EFNA5: variants seen among roughly 807,000 people sequenced by gnomAD.
The protein encoded by EFNA5 is ephrin A5, also known as ephrin-A5.
Under a neutral mutation model 22.9 loss-of-function variants are expected in EFNA5, and 5 were observed. The observed-to-expected ratio is 0.22, with a 90% confidence interval of 0.11 to 0.46. The LOEUF (loss-of-function observed/expected upper bound fraction) is 0.46. EFNA5 is among the 20% of genes least tolerant of loss of function. The probability of loss-of-function intolerance (pLI) is 0.99; values close to 1 mark genes in which losing one functional copy is unlikely to be tolerated. For missense variants in EFNA5, 237 were observed against 293.3 expected, an observed-to-expected ratio of 0.81 and a Z score of 1.40; for synonymous variants, 113 against 112.2, an observed-to-expected ratio of 1.01 and a Z score of -0.04.
chr5:107,517,246 T>C (rs922396799), intron 1 of EFNA5, among the ~76,000 whole-genome samples: 4 of 152,130 alleles, frequency 2.6e-5, no homozygotes, highest in African/African-American at 9.7e-5. Flanking sequence ...AAGACAATGA[T>C]GCTATCTCAC....
chr5:107,479,724 A>C (rs1199916408), intron 1 of EFNA5, among the ~76,000 whole-genome samples: 2 of 152,174 alleles, frequency 1.3e-5, no homozygotes, highest in Non-Finnish European at 2.9e-5. Context: ...GGGTTGAATG[A>C]GTGTGTGACA....
chr5:107,447,184 A>G (rs1192883457), intron 1 of EFNA5, among the ~76,000 whole-genome samples: 1 of 152,228 alleles, frequency 6.6e-6, no homozygotes, highest in African/African-American at 2.4e-5. Flanking sequence ...ACAGAGGTAC[A>G]GGGTGACAAC....
At chr5:107,582,402 A>T (rs1409435573) in intron 1 of EFNA5, among the ~76,000 whole-genome samples, 1 of 152,218 alleles carries the variant, frequency 6.6e-6, no homozygotes, top group Non-Finnish European at 1.5e-5. Flanking sequence ...GTAAGACAGG[A>T]TACTACAAAT....
At chr5:107,653,028 G>A (rs1166167594) in intron 1 of EFNA5, among the ~76,000 whole-genome samples, 1 of 152,088 alleles carries the variant, frequency 6.6e-6, no homozygotes, top group Non-Finnish European at 1.5e-5. Context: ...ACCCAAGAGA[G>A]TGTGTAATCC....
intron 1 of EFNA5, among the ~76,000 whole-genome samples, chr5:107,657,236 C>G (rs1750845616): frequency 6.6e-6 from 1 of 152,046 alleles, no homozygotes; most frequent in African/African-American, 2.4e-5. Flanking sequence ...AAACACAAAT[C>G]TTAGGTATAT....
At chr5:107,467,074 A>C (rs1175701027) in intron 1 of EFNA5, among the ~76,000 whole-genome samples, 2 of 152,164 alleles carry the variant, frequency 1.3e-5, no homozygotes, top group Non-Finnish European at 2.9e-5. Context: ...TTTACATTTA[A>C]ATAGGTAATT....
chr5:107,543,116 TGG>T (rs1748079280), intron 1 of EFNA5, among the ~76,000 whole-genome samples: 1 of 152,188 alleles, frequency 6.6e-6, no homozygotes, highest in African/African-American at 2.4e-5. Context: ...GAAGCACCCA[TGG>T]GTCTGCTCCA....
At chr5:107,580,825 A>G (rs1405364503) in intron 1 of EFNA5, among the ~76,000 whole-genome samples, 3 of 152,144 alleles carry the variant, frequency 2.0e-5, no homozygotes, top group Admixed American at 1.3e-4. Context: ...GTACCACTCC[A>G]TTAGCTGTGT....
At chr5:107,590,494 T>C (rs529958781) in intron 1 of EFNA5, among the ~76,000 whole-genome samples, 1 of 152,078 alleles carries the variant, frequency 6.6e-6, no homozygotes, top group African/African-American at 2.4e-5. Context: ...GCTCAAGTAA[T>C]CCTTCTGCCT....
At chr5:107,530,129 T>G (rs1747778626) in intron 1 of EFNA5, among the ~76,000 whole-genome samples, 1 of 152,212 alleles carries the variant, frequency 6.6e-6, no homozygotes, top group African/African-American at 2.4e-5. Flanking sequence ...CAAATTTCAG[T>G]GGCCTAAAAT....
chr5:107,587,070 C>T (rs1308059741), intron 1 of EFNA5, among the ~76,000 whole-genome samples: 3 of 152,146 alleles, frequency 2.0e-5, no homozygotes, highest in African/African-American at 7.2e-5. Flanking sequence ...TTATTTTCAC[C>T]TATGTCTCAG....
chr5:107,505,709 T>TGAGAG (rs1274658544), intron 1 of EFNA5, among the ~76,000 whole-genome samples: 1 of 152,248 alleles, frequency 6.6e-6, no homozygotes, highest in African/African-American at 2.4e-5. Context: ...GTACCTCCTA[T>TGAGAG]GTACACAACA....
chr5:107,398,086 T>C (rs1394222840), intron 2 of EFNA5, among the ~76,000 whole-genome samples: 1 of 152,180 alleles, frequency 6.6e-6, no homozygotes, highest in East Asian at 1.9e-4. Context: ...CAGGCTGGAA[T>C]GCAGGGGTGC....
intron 1 of EFNA5, among the ~76,000 whole-genome samples, chr5:107,606,538 A>AAC (rs58031827): frequency 0.07 from 10,055 of 143,976 alleles, 352 homozygotes; most frequent in East Asian, 0.095. Flanking sequence ...TTGCACGTAC[A>AAC]ACACACACAC....
intron 1 of EFNA5, among the ~76,000 whole-genome samples, chr5:107,466,986 T>C (rs764744538): frequency 7.2e-5 from 11 of 152,132 alleles, no homozygotes; most frequent in Non-Finnish European, 1.5e-4. Context: ...ATTTCAAGCC[T>C]ATCTTCATTG....
rs1748313319 is a variant in EFNA5 at position 107,409,811 on chromosome 5, G to A, written c.418+17406C>T. ...CATGAACAGAAAAGCCACTTACTAGGTACAAGTATGTCTCAGGAAAAATGA... is the reference window on the plus strand; with the variant it reads ...CATGAACAGAAAAGCCACTTACTAGATACAAGTATGTCTCAGGAAAAATGA... On this transcript the variant is annotated intron_variant, in intron 2 of 4. Transcript: ENST00000333274. Among the ~76,000 whole-genome samples, 3 of 152,090 alleles carry A rather than the reference G, an allele frequency of 2.0e-5. No homozygotes were observed. The South Asian group carries it at 6.2e-4, about 32-fold the overall frequency.
intron 1 of EFNA5, among the ~76,000 whole-genome samples, chr5:107,478,941 A>G (rs26242): frequency 0.53 from 80,138 of 151,986 alleles, 21,457 homozygotes; most frequent in African/African-American, 0.59. Context: ...GTTGATCAGG[A>G]AAGTATACTA....
chr5:107,430,593 T>TA (rs957722668), intron 1 of EFNA5, among the ~76,000 whole-genome samples: 1 of 152,102 alleles, frequency 6.6e-6, no homozygotes, highest in African/African-American at 2.4e-5. Context: ...TCCTAACTCT[T>TA]ACCCCTGTTA....
intron 1 of EFNA5, among the ~76,000 whole-genome samples, chr5:107,535,894 T>C (rs981258587): frequency 6.6e-6 from 1 of 152,160 alleles, no homozygotes; most frequent in Non-Finnish European, 1.5e-5. Context: ...TAGCCAGAAT[T>C]CCTCACTCAT....
Sources: allele counts gnomAD v4.1 joint callset (sites outside exome capture counted in the v4.1 genomes callset), GRCh38; gene constraint gnomAD v4.1.1; transcripts MANE v1.5; gene names NCBI Gene and HGNC (gene_info 2026-07-23, HGNC 2026-07-21).